The following FABP3 variants were observed in gnomAD, a reference collection of about 807,000 sequenced individuals.
FABP3 encodes fatty acid binding protein 3, also known as fatty acid-binding protein, heart.
In FABP3, 8 loss-of-function variants were observed where a neutral mutation model predicts 13.4. The observed-to-expected ratio is 0.60, with a 90% confidence interval of 0.35 to 1.07. The LOEUF (loss-of-function observed/expected upper bound fraction) is 1.07, where lower values mean the gene tolerates loss of function less well. Among genes scored for constraint, FABP3 ranks in the 50% least tolerant of loss-of-function variants. FABP3 has a pLI of 0.02. For missense variants in FABP3, 135 were observed against 164.7 expected, an observed-to-expected ratio of 0.82 and a Z score of 0.99; for synonymous variants, 64 against 60.0, an observed-to-expected ratio of 1.07 and a Z score of -0.31.
At chr1:31,367,644 C>G (rs1640137305) in intron 2 of FABP3, 150 bp from the exon 3 acceptor site, 1 of 678,988 alleles carries the variant, frequency 1.5e-6, no homozygotes, top group Non-Finnish European at 2.7e-6. Context: ...CGCCTCCCAG[C>G]TATCCCTGCA....
rs115628382 is a variant in FABP3, at chr1:31,366,644, C to G, written c.349-705G>C. 4.9e-3 allele frequency among the ~76,000 whole-genome samples: 744 copies of G among 152,322 alleles called. 6 individuals carry two copies. The highest frequency in any genetic ancestry group is 0.017 in the African/African-American group (704 of 41,570). On this transcript the variant is annotated intron_variant, in intron 3 of 3. Coordinates refer to ENST00000373713, the MANE Select transcript of FABP3 (RefSeq NM_004102.5). ...AGGCCCTGTGGTTAGGCAGAATCCA[C>G]AGTTGGCTGCTCTCCCTGGGTCTGG...
At chr1:31,366,006 C>T in intron 3 of FABP3, 67 bp from the exon 4 acceptor site, 1 of 1,388,132 alleles carries the variant, frequency 7.2e-7, no homozygotes, top group Non-Finnish European at 1.0e-6. Context: ...TTCTACCCTC[C>T]CTTCCTCCTG....
In FABP3 at chr1:31,365,704, TAAAA is replaced by T. The variant is rs5773353; in HGVS notation, c.*178_*181del. 120 of 456,926 alleles carry T rather than the reference TAAAA, an allele frequency of 2.6e-4. No individual in the cohort carries two copies. The highest frequency in any genetic ancestry group is 3.4e-4 in the Non-Finnish European group (86 of 256,142). 28.3% of individuals were successfully genotyped at this position (456,926 alleles called of 1,614,324 possible). Reference sequence around the variant, plus strand: ...CCTCAGAGCACCCTATGAGTGCAGTTAAAAAAAAAAAAAAAAAACCACATACACC... The same window carrying T: ...CCTCAGAGCACCCTATGAGTGCAGTTAAAAAAAAAAAAAACCACATACACC... On this transcript the variant is annotated 3_prime_UTR_variant, in exon 4 of 4. Coordinates refer to ENST00000373713, the MANE Select transcript of FABP3 (RefSeq NM_004102.5).
At chr1:31,372,080 A>G (rs1341846374) in intron 1 of FABP3, among the ~76,000 whole-genome samples, 1 of 152,086 alleles carries the variant, frequency 6.6e-6, no homozygotes, top group Non-Finnish European at 1.5e-5. Flanking sequence ...CACCTGTGAG[A>G]TTCTTTGAAT....
chr1:31,369,348 G>A, intron 2 of FABP3, 37 bp downstream of exon 2: 1 of 1,604,750 alleles, frequency 6.2e-7, no homozygotes, highest in Non-Finnish European at 8.5e-7. Context: ...TAGAGTCTCA[G>A]CACTCTCCAT....
downstream of FABP3, chr1:31,364,118 G>A (rs1640038453): frequency 6.2e-7 from 1 of 1,613,816 alleles, no homozygotes; most frequent in Middle Eastern, 1.7e-4. Flanking sequence ...AGAGGGCAAG[G>A]CACACATCAA....
Position 31,365,926 on chromosome 1 carries a change from C to T in FABP3, c.362G>A (p.Gly121Asp), listed in dbSNP as rs764806410. 2 of 1,613,712 alleles carry T rather than the reference C, an allele frequency of 1.2e-6. No individual in the cohort carries two copies. The highest frequency in any genetic ancestry group is 2.7e-5 in the African/African-American group (2 of 74,850). Residue 121 changes from glycine to aspartate, a missense_variant, in exon 4 of 4, where the codon GGC (glycine) becomes GAC (aspartate). Coordinates refer to ENST00000373713, the MANE Select transcript of FABP3 (RefSeq NM_004102.5). The stretch of plus-strand genomic sequence containing the variant: ...ATAAGTGCGAGTGCAAACTGCAGTG[C>T]CGTGGGTGAGTGTCTGGAAGGAAAG... ...DGKLILTLTH[G>D]TAVCTRTYEK...
At chr1:31,364,032 GAGA>G (rs754908675), downstream of FABP3, 13 of 1,606,252 alleles carry the variant, frequency 8.1e-6, no homozygotes, top group Non-Finnish European at 1.1e-5. Context: ...TTCTTTTCAG[GAGA>G]AGAAGAAAAA....
chr1:31,372,537 G>A (rs1640225753), intron 1 of FABP3, among the ~76,000 whole-genome samples: 1 of 151,912 alleles, frequency 6.6e-6, no homozygotes, highest in South Asian at 2.1e-4. Context: ...TTACATCATT[G>A]TACACTCCCT....
In FABP3 at chr1:31,365,873, C is replaced by G; in HGVS notation, c.*13G>C. On this transcript the variant is annotated 3_prime_UTR_variant, in exon 4 of 4. Transcript: ENST00000373713. The stretch of plus-strand genomic sequence containing the variant: ...CGATTGGCAGAGTAGTAGTCAGCAA[C>G]AGTGCAGTCAGGTCATGCCTCTTTC... The G allele has an allele frequency of 1.2e-6, 2 of 1,613,556 alleles. No individual in the cohort carries two copies. Among genetic ancestry groups the G allele is most frequent in the Non-Finnish European group, 1.7e-6 (2 of 1,179,566 alleles).
chr1:31,365,738 G>C lies in FABP3; in HGVS notation c.*148C>G. On this transcript the variant is annotated 3_prime_UTR_variant, in exon 4 of 4. Coordinates refer to ENST00000373713, the MANE Select transcript of FABP3 (RefSeq NM_004102.5). ...AAAAAAAAAACCACATACACCATGGGAACTGGAACTGGATCCCGGTCAGTG... is the reference window on the plus strand; with the variant it reads ...AAAAAAAAAACCACATACACCATGGCAACTGGAACTGGATCCCGGTCAGTG... 1 of 701,158 alleles carries C rather than the reference G, an allele frequency of 1.4e-6. No individual in the cohort carries two copies. 43.4% of individuals were successfully genotyped at this position (701,158 alleles called of 1,614,324 possible).
chr1:31,373,050 G>C lies in FABP3; in HGVS notation c.-36C>G. On this transcript the variant is annotated 5_prime_UTR_variant, in exon 1 of 4. Coordinates refer to ENST00000373713, the MANE Select transcript of FABP3 (RefSeq NM_004102.5). ...GGCTAGGCTGAGAGAAGCTACAAGA[G>C]AGCAGGCGTGCAAGGGCTCCGACGG... is the stretch of plus-strand genomic sequence containing the variant. The C allele has an allele frequency of 3.1e-6, 5 of 1,607,102 alleles. No individual in the cohort carries two copies. Among genetic ancestry groups the C allele is most frequent in the Non-Finnish European group, 4.3e-6 (5 of 1,174,184 alleles).
chr1:31,363,232 G>A (rs61780771), downstream of FABP3, among the ~76,000 whole-genome samples: 6 of 146,042 alleles, frequency 4.1e-5, no homozygotes, highest in Admixed American at 2.8e-4. Flanking sequence ...CGCCAAGGCT[G>A]GAGTGCAGTG....
chr1:31,372,852 C>T (rs1640232042), intron 1 of FABP3, 90 bp downstream of exon 1: 1 of 1,290,314 alleles, frequency 7.8e-7, no homozygotes, highest in African/African-American at 1.5e-5. Flanking sequence ...CAGTCTTAAC[C>T]AGGAGGGATG....
At chr1:31,366,121 T>C (rs551286971) in intron 3 of FABP3, among the ~76,000 whole-genome samples, 182 bp from the exon 4 acceptor site, 22 of 151,870 alleles carry the variant, frequency 1.4e-4, no homozygotes, top group African/African-American at 5.1e-4. Context: ...ATTTTTTTTT[T>C]CTGATATGCA....
Position 31,369,464 on chromosome 1 carries a change from C to T in FABP3, c.167G>A (p.Ser56Asn). ...GCTGATCTCTGTGTTCTTGAAGGTG[C>T]TGTGTGTTTTTAGGGTGAGAATGTC... ...NGDILTLKTH[S>N]TFKNTEISFK... Residue 56 changes from serine (S) to asparagine (N), a missense_variant, in exon 2 of 4, where the codon AGC (serine) becomes AAC (asparagine). By Grantham distance (46) the Ser-to-Asn change is conservative. Coordinates refer to ENST00000373713, the MANE Select transcript of FABP3 (RefSeq NM_004102.5). The T allele has an allele frequency of 6.2e-7, 1 of 1,614,156 alleles. No individual in the cohort carries two copies. The highest frequency in any genetic ancestry group is 1.1e-5 in the South Asian group (1 of 91,084).
downstream of FABP3, chr1:31,364,212 G>T (rs760574791): frequency 6.2e-7 from 1 of 1,602,234 alleles, no homozygotes. Flanking sequence ...AGAGTGTAGG[G>T]GGTGGTTGAG....
chr1:31,360,294 C>T (rs139830730), downstream of FABP3, among the ~76,000 whole-genome samples: 3,364 of 152,290 alleles, frequency 0.022, 112 homozygotes, highest in African/African-American at 0.076. Flanking sequence ...CTCAGCCTCC[C>T]GAGTAGCTGG....
rs373127649 is a variant in FABP3 at position 31,372,992 on chromosome 1, G to A, written c.23C>T (p.Thr8Ile). MVDAFLG[T>I]WKLVDSKNFD... Reference sequence around the variant, plus strand: ...ATTCTTGCTGTCCACTAGCTTCCAGGTGCCCAGGAAAGCGTCCACCATAGT... The same window carrying A: ...ATTCTTGCTGTCCACTAGCTTCCAGATGCCCAGGAAAGCGTCCACCATAGT... Residue 8 changes from threonine (T) to isoleucine (I), a missense_variant, in exon 1 of 4, where the codon ACC (threonine) becomes ATC (isoleucine). Transcript: ENST00000373713. 10 of 1,614,042 alleles carry A rather than the reference G, an allele frequency of 6.2e-6. No homozygotes were observed. The highest frequency in any genetic ancestry group is 6.8e-6 in the Non-Finnish European group (8 of 1,180,032).
Sources: allele counts gnomAD v4.1 joint callset (sites outside exome capture counted in the v4.1 genomes callset), GRCh38; gene constraint gnomAD v4.1.1; transcripts MANE v1.5; gene names NCBI Gene and HGNC (gene_info 2026-07-23, HGNC 2026-07-21).